TUG1: variants seen among roughly 807,000 people sequenced by gnomAD.
TUG1 encodes taurine upregulated gene 1.
chr22:30,969,374 C>G (rs575099140), exon 1 of TUG1: 2 of 152,544 alleles, frequency 1.3e-5, no homozygotes, highest in East Asian at 1.9e-4. Context: ...GCCCTCCCCC[C>G]CTCCCGGGTC....
chr22:30,971,590 G>A (rs574863960), exon 1 of TUG1: 10 of 152,912 alleles, frequency 6.5e-5, no homozygotes, highest in South Asian at 6.2e-4. Flanking sequence ...AGCTTGTCAC[G>A]ATGCGGCAGG....
At chr22:30,975,911 T>A (rs1411283193) in exon 3 of TUG1, 1 of 150,704 alleles carries the variant, frequency 6.6e-6, no homozygotes, top group Non-Finnish European at 1.5e-5. Context: ...ATTCAAATAC[T>A]GGCAACATTT....
chr22:30,977,085 A>C (rs1602534233), exon 3 of TUG1: 1 of 152,202 alleles, frequency 6.6e-6, no homozygotes, highest in East Asian at 1.9e-4. Flanking sequence ...TAATCCTGCC[A>C]TACTCAGTCA....
At chr22:30,975,949 GTCT>G (rs1004183659) in exon 3 of TUG1, 1 of 151,212 alleles carries the variant, frequency 6.6e-6, no homozygotes, top group Non-Finnish European at 1.5e-5. Flanking sequence ...TCTATCATTC[GTCT>G]TCTTTTCCAA....
exon 3 of TUG1, chr22:30,978,329 G>A (rs1569214160): frequency 6.6e-6 from 1 of 152,140 alleles, no homozygotes; most frequent in Non-Finnish European, 1.5e-5. Flanking sequence ...ATCTCTCATG[G>A]TGTTTTTTTA....
At chr22:30,971,590 G>C (rs574863960) in exon 1 of TUG1, 3 of 152,794 alleles carry the variant, frequency 2.0e-5, no homozygotes, top group African/African-American at 4.8e-5. Context: ...AGCTTGTCAC[G>C]ATGCGGCAGG....
chr22:30,972,912 C>G (rs2041247292), exon 2 of TUG1: 1 of 153,426 alleles, frequency 6.5e-6, no homozygotes, highest in Non-Finnish European at 1.5e-5. Context: ...CTTCCCTGTG[C>G]TATTCCATCA....
exon 3 of TUG1, chr22:30,976,149 C>T (rs1339278290): frequency 6.6e-6 from 1 of 151,802 alleles, no homozygotes; most frequent in Non-Finnish European, 1.5e-5. Context: ...GACTATTCAG[C>T]TCACTTTAAC....
chr22:30,971,660 G>C (rs746777680), exon 1 of TUG1: 4 of 153,142 alleles, frequency 2.6e-5, no homozygotes, highest in Non-Finnish European at 5.9e-5. Flanking sequence ...CTTGCTGTGA[G>C]AAAAGAGACA....
At chr22:30,974,306 C>A (rs180756160) in intron 2 of TUG1, 1 of 146,652 alleles carries the variant, frequency 6.8e-6, no homozygotes, top group East Asian at 2.0e-4. Context: ...AGGAGACTTG[C>A]AGCAAATTAC....
chr22:30,971,105 G>A (rs1423502022), exon 1 of TUG1: 3 of 152,186 alleles, frequency 2.0e-5, no homozygotes, highest in Admixed American at 6.5e-5. Context: ...TTTTCGTTTT[G>A]TGGAGTGGTG....
chr22:30,972,596 T>C (rs1247407499), intron 1 of TUG1: 1 of 152,456 alleles, frequency 6.6e-6, no homozygotes, highest in African/African-American at 2.4e-5. Flanking sequence ...ATTACTCTCC[T>C]AAAGTATAAG....
chr22:30,972,043 T>C (rs1260349380), intron 1 of TUG1: 1 of 152,258 alleles, frequency 6.6e-6, no homozygotes, highest in East Asian at 1.9e-4. Flanking sequence ...TTACTGTCTT[T>C]GCAGATAGCA....
chr22:30,974,651 G>A (rs1394638987), intron 2 of TUG1: 1 of 152,120 alleles, frequency 6.6e-6, no homozygotes, highest in Non-Finnish European at 1.5e-5. Context: ...TCTGTCAAGG[G>A]AATCCCTAGA....
chr22:30,977,958 C>T (rs1209805154), exon 3 of TUG1: 2 of 152,170 alleles, frequency 1.3e-5, no homozygotes, highest in African/African-American at 2.4e-5. Context: ...CACCTGGAAC[C>T]TCATCTATCG....
chr22:30,975,007 C>G (rs2041272420), intron 2 of TUG1, 163 bp from the exon 3 acceptor site: 1 of 152,212 alleles, frequency 6.6e-6, no homozygotes, highest in Admixed American at 6.5e-5. Flanking sequence ...CTGATAGATA[C>G]TTACAAGCCC....
exon 3 of TUG1, chr22:30,978,117 G>A (rs2041310720): frequency 6.6e-6 from 1 of 152,198 alleles, no homozygotes; most frequent in South Asian, 2.1e-4. Context: ...AAAATTTACA[G>A]CTGACTCAAA....
exon 3 of TUG1, chr22:30,978,233 C>A (rs928437198): frequency 6.6e-6 from 1 of 152,196 alleles, no homozygotes; most frequent in African/African-American, 2.4e-5. Context: ...TGTGTTGAAA[C>A]TGTGGTTTCA....
chr22:30,977,165 T>C (rs1190288128), exon 3 of TUG1: 2 of 152,112 alleles, frequency 1.3e-5, no homozygotes, highest in Non-Finnish European at 2.9e-5. Context: ...TAAGAATTGG[T>C]GATTAGAAAA....
Sources: gnomAD v4.1 joint callset for allele counts on GRCh38, gnomAD v4.1.1 for gene constraint, MANE v1.5 for transcripts, NCBI Gene and HGNC (gene_info 2026-07-23, HGNC 2026-07-21) for gene names.